AOPEP: variants seen among roughly 807,000 people sequenced by gnomAD.
The protein encoded by AOPEP is aminopeptidase O (putative), also known as aminopeptidase O.
AOPEP carries 77 observed loss-of-function variants against 98.1 expected under a neutral mutation model. The observed-to-expected ratio is 0.78, with a 90% CI of 0.65 to 0.95. AOPEP has a LOEUF of 0.95. Among genes scored for constraint, AOPEP ranks in the 40% least tolerant of loss-of-function variants. AOPEP has a pLI of 0.00. For missense variants in AOPEP, 1,024 were observed against 1,024.7 expected, an observed-to-expected ratio of 1.00 and a Z score of 0.01; for synonymous variants, 346 against 365.3, an observed-to-expected ratio of 0.95 and a Z score of 0.60.
the AOPEP span, among the ~76,000 whole-genome samples, chr9:95,124,195 C>G: frequency 6.6e-6 from 1 of 150,574 alleles, no homozygotes; most frequent in African/African-American, 2.4e-5. Flanking sequence ...TCTGGTGGAG[C>G]CAAGCATTGT....
chr9:95,061,048 CCTAAA>C (rs2067276343), intron 14 of AOPEP: 1 of 391,178 alleles, frequency 2.6e-6, no homozygotes, highest in South Asian at 3.6e-5. Context: ...ACATAAGTCT[CCTAAA>C]GGAATGAGTG....
chr9:94,735,498 G>A (rs1215545316), intron 1 of AOPEP, among the ~76,000 whole-genome samples: 1 of 152,148 alleles, frequency 6.6e-6, no homozygotes, highest in African/African-American at 2.4e-5. Flanking sequence ...GGGATTACAG[G>A]TGTGAGCCAC....
At chr9:95,012,920 GT>G (rs775678092) in intron 13 of AOPEP, among the ~76,000 whole-genome samples, 98 of 59,722 alleles carry the variant, frequency 1.6e-3, no homozygotes, top group Middle Eastern at 0.011. Context: ...TATTTATTTT[GT>G]TTTTTTTTTT....
At chr9:94,988,003 T>C (rs2060629812) in intron 11 of AOPEP, among the ~76,000 whole-genome samples, 1 of 152,162 alleles carries the variant, frequency 6.6e-6, no homozygotes, top group African/African-American at 2.4e-5. Context: ...TAAAAAGCCA[T>C]GCTTTTCCCC....
At chr9:95,137,910 G>A in the AOPEP span, among the ~76,000 whole-genome samples, 1 of 152,260 alleles carries the variant, frequency 6.6e-6, no homozygotes, top group Non-Finnish European at 1.5e-5. Context: ...AGAGAGGAGA[G>A]GAGTGGAGGT....
chr9:94,874,567 A>G (rs1401036423), intron 5 of AOPEP, among the ~76,000 whole-genome samples: 1 of 152,174 alleles, frequency 6.6e-6, no homozygotes, highest in Non-Finnish European at 1.5e-5. Context: ...AGGTATGCGG[A>G]TGCTTTTTTT....
chr9:95,106,990 G>C, the AOPEP span: 1 of 1,432,070 alleles, frequency 7.0e-7, no homozygotes, highest in African/African-American at 1.4e-5. Flanking sequence ...GCAGAGGCCA[G>C]ACCCTCGGAC....
chr9:95,043,078 G>T (rs538324832), intron 13 of AOPEP, among the ~76,000 whole-genome samples: 1 of 151,776 alleles, frequency 6.6e-6, no homozygotes, highest in South Asian at 2.1e-4. Flanking sequence ...TTCGAGATCG[G>T]CCTGGGCAAC....
the AOPEP span, among the ~76,000 whole-genome samples, chr9:95,093,001 G>A: frequency 6.6e-6 from 1 of 152,196 alleles, no homozygotes; most frequent in African/African-American, 2.4e-5. Context: ...ATGAATTACG[G>A]CATAACTCAG....
At chr9:95,064,420 T>C (rs2067655054) in intron 14 of AOPEP, among the ~76,000 whole-genome samples, 2 of 152,182 alleles carry the variant, frequency 1.3e-5, no homozygotes, top group Admixed American at 1.3e-4. Context: ...GCCTCCCGAG[T>C]AGCTGGATTA....
intron 3 of AOPEP, 123 bp downstream of exon 3, chr9:94,773,291 G>C (rs1841299600): frequency 2.4e-6 from 2 of 848,852 alleles, no homozygotes; most frequent in South Asian, 2.4e-5. Flanking sequence ...AATGATCATA[G>C]TATAAAACAT....
At chr9:95,052,228 A>G (rs754292948) in intron 13 of AOPEP, among the ~76,000 whole-genome samples, 5 of 152,228 alleles carry the variant, frequency 3.3e-5, no homozygotes, top group Non-Finnish European at 5.9e-5. Flanking sequence ...AATGTGATAA[A>G]CATTTGACTA....
chr9:95,118,303 G>A, the AOPEP span, among the ~76,000 whole-genome samples: 2 of 152,246 alleles, frequency 1.3e-5, no homozygotes, highest in Admixed American at 6.5e-5. Context: ...ATAGTCATGA[G>A]CCACTGAGCC....
chr9:95,071,561 C>G (rs2134080316), intron 14 of AOPEP, among the ~76,000 whole-genome samples: 1 of 152,216 alleles, frequency 6.6e-6, no homozygotes, highest in South Asian at 2.1e-4. Context: ...CGAGCATGCA[C>G]CAAACTGAAT....
At chr9:95,064,500 A>G (rs2067666059) in intron 14 of AOPEP, among the ~76,000 whole-genome samples, 2 of 152,206 alleles carry the variant, frequency 1.3e-5, no homozygotes, top group African/African-American at 4.8e-5. Context: ...CATCTTGGCC[A>G]GGCTGTTCTC....
At chr9:94,819,161 G>T (rs1852391089) in intron 5 of AOPEP, among the ~76,000 whole-genome samples, 2 of 152,116 alleles carry the variant, frequency 1.3e-5, no homozygotes, top group African/African-American at 2.4e-5. Context: ...CTCTGTCCTT[G>T]ACCTCTTTTC....
chr9:94,977,157 G>C (rs2059900646), intron 10 of AOPEP, among the ~76,000 whole-genome samples: 1 of 152,098 alleles, frequency 6.6e-6, no homozygotes, highest in Non-Finnish European at 1.5e-5. Flanking sequence ...GTGTGAAGAT[G>C]GAGGTAAGAC....
chr9:94,783,361 G>A (rs1428253162), intron 3 of AOPEP, among the ~76,000 whole-genome samples: 1 of 152,246 alleles, frequency 6.6e-6, no homozygotes, highest in Non-Finnish European at 1.5e-5. Flanking sequence ...TGCTTGCAAA[G>A]TGGTGGCCTG....
the AOPEP span, among the ~76,000 whole-genome samples, chr9:95,122,484 A>T: frequency 6.6e-6 from 1 of 152,096 alleles, no homozygotes; most frequent in Non-Finnish European, 1.5e-5. Flanking sequence ...AAGCAAAGAG[A>T]CTTTCCTTTC....
Sources: gnomAD v4.1 joint callset for allele counts (sites outside exome capture counted in the v4.1 genomes callset) on GRCh38, gnomAD v4.1.1 for gene constraint, MANE v1.5 for transcripts, NCBI Gene and HGNC (gene_info 2026-07-23, HGNC 2026-07-21) for gene names.